PCDHGA5: variants seen among roughly 807,000 people sequenced by gnomAD.
The protein encoded by PCDHGA5 is protocadherin gamma-A5.
A neutral mutation model predicts 56.7 loss-of-function variants in PCDHGA5; 36 were observed. The ratio of observed to expected loss-of-function variants is 0.64; its 90% CI spans 0.49 to 0.84. The LOEUF (loss-of-function observed/expected upper bound fraction) is 0.84. Ranked by LOEUF, PCDHGA5 falls within the 40% of genes least tolerant of loss-of-function variation. The pLI is 0.00. For synonymous variants in PCDHGA5, 563 were observed against 520.2 expected, an observed-to-expected ratio of 1.08 and a Z score of -1.12; for missense variants, 1,305 against 1,201.5, an observed-to-expected ratio of 1.09 and a Z score of -1.27.
Position 141,487,591 on chromosome 5 carries a change from C to G in PCDHGA5, c.2422-7216C>G, listed in dbSNP as rs2099653282. The G allele has an allele frequency of 1.2e-6, 2 of 1,614,176 alleles. No individual in the cohort carries two copies. The highest frequency in any genetic ancestry group is 1.7e-6 in the Non-Finnish European group (2 of 1,180,036). ...AGCCTGTTCGCCCAAGCTGCCCACC[C>G]TCTGATCTTCTCTATGGGCTAGAGG... is the stretch of plus-strand genomic sequence containing the variant. On this transcript the variant is annotated intron_variant, in intron 1 of 3. Coordinates refer to ENST00000518069, the MANE Select transcript of PCDHGA5 (RefSeq NM_018918.3). The surrounding 1 kb of genome is among the most constrained non-coding windows in gnomAD (Gnocchi z 5.0).
At chr5:141,409,863 A>G in intron 1 of PCDHGA5, 3 of 1,612,376 alleles carry the variant, frequency 1.9e-6, no homozygotes, top group Non-Finnish European at 2.5e-6. Flanking sequence ...TTGGTGGGAG[A>G]CCGCAATGAC....
chr5:141,386,487 A>G (rs1374608231), intron 1 of PCDHGA5, among the ~76,000 whole-genome samples: 1 of 149,584 alleles, frequency 6.7e-6, no homozygotes, highest in African/African-American at 2.5e-5. Context: ...GCCCACCTAG[A>G]TAATATAACA....
chr5:141,501,299 AC>A (rs1446641380), intron 2 of PCDHGA5, among the ~76,000 whole-genome samples: 1 of 149,208 alleles, frequency 6.7e-6, no homozygotes, highest in African/African-American at 2.5e-5. Flanking sequence ...ATACACACAC[AC>A]ACACACACAC....
chr5:141,402,324 A>G (rs895598623), intron 1 of PCDHGA5, among the ~76,000 whole-genome samples: 2 of 152,012 alleles, frequency 1.3e-5, no homozygotes, highest in Admixed American at 1.3e-4. Context: ...TTTTACATTT[A>G]CAAATATATA....
intron 1 of PCDHGA5, among the ~76,000 whole-genome samples, chr5:141,455,860 ATTATTTATTTAT>A (rs145569377): frequency 0.023 from 3,231 of 139,812 alleles, 82 homozygotes; most frequent in African/African-American, 0.066. Context: ...AATTTCTTTT[ATTATTTATTTAT>A]TTATTTATTT....
intron 1 of PCDHGA5, chr5:141,395,547 TGTGTGTGTGTGTGTGTGTGTGTGTGTG>T: frequency 5.8e-6 from 1 of 173,894 alleles, no homozygotes; most frequent in Non-Finnish European, 1.2e-5. Flanking sequence ...ATTGTTTGTG[TGTGTGTGTGTGTGTGTGTGTGTGTGTG>T]TGTGTGTGTG....
chr5:141,492,084 G>A (rs979755390), intron 1 of PCDHGA5, among the ~76,000 whole-genome samples: 1 of 152,236 alleles, frequency 6.6e-6, no homozygotes, highest in Non-Finnish European at 1.5e-5. Flanking sequence ...GCTCCGGCAC[G>A]CTTCGCCGGT....
intron 1 of PCDHGA5, among the ~76,000 whole-genome samples, chr5:141,448,083 T>C (rs1020024755): frequency 2.6e-5 from 4 of 151,368 alleles, no homozygotes; most frequent in African/African-American, 9.7e-5. Context: ...CGAAATGCCA[T>C]CTTAAAAAAA....
intron 1 of PCDHGA5, chr5:141,392,622 A>C: frequency 3.6e-6 from 2 of 558,650 alleles, no homozygotes; most frequent in Non-Finnish European, 6.1e-6. Flanking sequence ...AACCGAAAAC[A>C]CTCAGATCTC....
Position 141,432,083 on chromosome 5 carries a change from G to T in PCDHGA5, c.2422-62724G>T, listed in dbSNP as rs1221754474. On this transcript the variant is annotated intron_variant, in intron 1 of 3. Transcript: ENST00000518069. The surrounding 1 kb of genome is among the most constrained non-coding windows in gnomAD (Gnocchi z 6.0). ...CACGGAAACTCATATCTCGCTGAAC[G>T]TGGCAGACACCAACGACAACCCGCC... The T allele has an allele frequency of 1.9e-6, 3 of 1,614,040 alleles. No individual in the cohort carries two copies. The highest frequency in any genetic ancestry group is 2.7e-5 in the African/African-American group (2 of 74,910).
intron 1 of PCDHGA5, chr5:141,370,727 A>G: frequency 6.2e-7 from 1 of 1,613,856 alleles, no homozygotes; most frequent in Non-Finnish European, 8.5e-7. Context: ...TGGTTGCTGA[A>G]AAGCCTTTAA....
Position 141,364,623 on chromosome 5 carries a change from A to C in PCDHGA5, c.293A>C (p.Gln98Pro). The C allele has an allele frequency of 1.2e-6, 2 of 1,614,178 alleles. No homozygotes were observed. Among genetic ancestry groups the C allele is most frequent in the Non-Finnish European group, 1.7e-6 (2 of 1,179,988 alleles). ...ATAGACCGGGAGGAGCTCTGCGCTC[A>C]GAGCCCACTGTGTGTGGTGAACTTT... The part of the protein sequence containing the change: ...GRIDREELCA[Q>P]SPLCVVNFNI... The change falls in exon 1 of 4, where the codon CAG (glutamine) becomes CCG (proline). Residue 98 changes from glutamine to proline, a missense_variant. Coordinates refer to ENST00000518069, the MANE Select transcript of PCDHGA5 (RefSeq NM_018918.3).
intron 1 of PCDHGA5, among the ~76,000 whole-genome samples, chr5:141,472,245 T>A (rs1217786736): frequency 6.6e-6 from 1 of 152,144 alleles, no homozygotes; most frequent in East Asian, 1.9e-4. Context: ...ACTTTCTATT[T>A]TAAAGTTATA....
intron 1 of PCDHGA5, chr5:141,393,663 AT>A (rs1334579066): frequency 6.2e-7 from 1 of 1,613,820 alleles, no homozygotes; most frequent in East Asian, 2.2e-5. Flanking sequence ...ATTCCGGAAA[AT>A]TAATGAAAAA....
At chr5:141,370,145 T>C in intron 1 of PCDHGA5, 1 of 438,916 alleles carries the variant, frequency 2.3e-6, no homozygotes. Context: ...TTAGTCACCA[T>C]TACTGCAGTT....
intron 1 of PCDHGA5, chr5:141,410,848 T>TA: frequency 1.9e-5 from 7 of 365,918 alleles, no homozygotes; most frequent in Non-Finnish European, 3.2e-5. Context: ...TTTGTCTTTG[T>TA]CTTTTTTTTT....
chr5:141,415,761 T>TG (rs1485369884), intron 1 of PCDHGA5: 1 of 1,399,490 alleles, frequency 7.1e-7, no homozygotes, highest in Non-Finnish European at 9.3e-7. Flanking sequence ...TTTTTTTTTT[T>TG]TTTTTTTTTT....
chr5:141,400,439 C>T, intron 1 of PCDHGA5: 1 of 1,614,056 alleles, frequency 6.2e-7, no homozygotes. Context: ...CAATTGAGTT[C>T]AGGACAAGAC....
chr5:141,372,676 C>G (rs370799055), intron 1 of PCDHGA5: 1 of 1,613,898 alleles, frequency 6.2e-7, no homozygotes, highest in African/African-American at 1.3e-5. Context: ...TCACATTCCT[C>G]AAACACCGAG....
Sources: allele counts gnomAD v4.1 joint callset (sites outside exome capture counted in the v4.1 genomes callset), GRCh38; gene constraint gnomAD v4.1.1; non-coding constraint Gnocchi (gnomAD v3.1); transcripts MANE v1.5; gene names NCBI Gene and HGNC (gene_info 2026-07-23, HGNC 2026-07-21).